The following DMAP1 variants were observed in gnomAD, a reference collection of about 807,000 sequenced individuals.
DMAP1 encodes the protein DNA methyltransferase 1 associated protein 1.
A neutral mutation model predicts 52.7 loss-of-function variants in DMAP1; 26 were observed. The observed-to-expected ratio is 0.49, with a 90% CI of 0.36 to 0.68. The LOEUF (loss-of-function observed/expected upper bound fraction) is 0.68. Among genes scored for constraint, DMAP1 ranks in the 30% least tolerant of loss-of-function variants. The pLI, the probability that DMAP1 is intolerant of heterozygous loss-of-function variation, is 0.00. For missense variants in DMAP1, 439 were observed against 625.2 expected (o/e 0.70, Z 3.18); for synonymous variants, 231 against 246.0 (o/e 0.94, Z 0.57).
rs1460871984 is a variant in DMAP1, at chr1:44,214,936, C to T, written c.393+38C>T. 7 of 1,611,862 alleles carry T rather than the reference C, an allele frequency of 4.3e-6. No individual in the cohort carries two copies. The Admixed American group carries it at 1.0e-4, about 23-fold the overall frequency. ...CATTCGGACACAGGCCAAGATTGCC[C>T]TCCCACTTTGAGCCATTTGTGCGAG... On this transcript the variant is annotated intron_variant, in intron 3 of 9. Transcript: ENST00000372289.
chr1:44,218,333 C>T lies in DMAP1; in HGVS notation c.416C>T (p.Ser139Leu), dbSNP rs747781202. The T allele has an allele frequency of 3.7e-6, 6 of 1,614,196 alleles. No homozygotes were observed. Among genetic ancestry groups the T allele is most frequent in the Admixed American group, 1.7e-5 (1 of 60,026 alleles). The part of the protein sequence containing the change: ...FNKTVQVPVY[S>L]EQEYQLYLHD... Reference sequence around the variant, plus strand: ...TAGACTGTGCAGGTGCCTGTGTACTCGGAGCAGGAGTACCAGCTTTATCTC... The same window carrying T: ...TAGACTGTGCAGGTGCCTGTGTACTTGGAGCAGGAGTACCAGCTTTATCTC... The change falls in exon 4 of 10, where the codon TCG becomes TTG. Residue 139 changes from serine (S) to leucine (L), a missense_variant. Physicochemically the swap from Ser to Leu is moderately radical, Grantham distance 145. Coordinates refer to ENST00000372289, the MANE Select transcript of DMAP1 (RefSeq NM_019100.5). The surrounding 1 kb of genome is among the most constrained non-coding windows in gnomAD (Gnocchi z 5.6).
chr1:44,215,631 G>A (rs1465886317), intron 3 of DMAP1: 1 of 269,262 alleles, frequency 3.7e-6, no homozygotes, highest in Non-Finnish European at 7.4e-6. Flanking sequence ...GTGTAGGGGA[G>A]TCCTACCTTA....
chr1:44,220,633 T>C lies in DMAP1; in HGVS notation c.*15T>C. ...AGAAGCCGTGAGAGGCCCCACGGGGTGTGGGCGACGCTGTTATGTAAATAG... is the reference window on the plus strand; with the variant it reads ...AGAAGCCGTGAGAGGCCCCACGGGGCGTGGGCGACGCTGTTATGTAAATAG... On this transcript the variant is annotated 3_prime_UTR_variant, in exon 10 of 10. Coordinates refer to ENST00000372289, the MANE Select transcript of DMAP1 (RefSeq NM_019100.5). The C allele has an allele frequency of 6.2e-7, 1 of 1,614,080 alleles. No individual in the cohort carries two copies. Among genetic ancestry groups the C allele is most frequent in the Non-Finnish European group, 8.5e-7 (1 of 1,179,982 alleles).
In DMAP1 at chr1:44,219,089, C is replaced by T. The variant is rs1243798144; in HGVS notation, c.754C>T (p.Arg252Cys). ...AEEEYLLQEL[R>C]KIEARKKERE... The stretch of plus-strand genomic sequence containing the variant: ...GGAGGAGTACCTGCTACAGGAGCTG[C>T]GCAAGATTGAGGCCCGGAAGAAGGA... Residue 252 changes from arginine to cysteine, a missense_variant, in exon 6 of 10, where the codon CGC becomes TGC. Transcript: ENST00000372289. 3 of 1,614,168 alleles carry T rather than the reference C, an allele frequency of 1.9e-6. No individual in the cohort carries two copies. The highest frequency in any genetic ancestry group is 2.5e-6 in the Non-Finnish European group (3 of 1,180,020).
rs369079971 is a variant in DMAP1 at position 44,218,571 on chromosome 1, C to T, written c.553-17C>T. 2.5e-5 allele frequency: 40 copies of T among 1,608,996 alleles called. No homozygotes were observed. The highest frequency in any genetic ancestry group is 3.2e-5 in the Non-Finnish European group (38 of 1,176,032). On this transcript the variant is annotated splice_polypyrimidine_tract_variant and intron_variant, in intron 4 of 9. Transcript: ENST00000372289. The surrounding 1 kb of genome is among the most constrained non-coding windows in gnomAD (Gnocchi z 5.6). ...TGCCCCTGAATGTTCATTCCTCTAC[C>T]CTGTCTTGCTCCTCAGAAGCGTTCT...
In DMAP1 at chr1:44,218,272, A is replaced by G; in HGVS notation, c.394-39A>G. On this transcript the variant is annotated intron_variant, in intron 3 of 9. Coordinates refer to ENST00000372289, the MANE Select transcript of DMAP1 (RefSeq NM_019100.5). This position sits in a 1 kb window ranked among gnomAD's most constrained non-coding sequence, Gnocchi z 5.6. Reference sequence around the variant, plus strand: ...CCTGGAGCCTGCTGGACATGACATCATGCGGGCATGCCCCTACTGTGTCCC... The same window carrying G: ...CCTGGAGCCTGCTGGACATGACATCGTGCGGGCATGCCCCTACTGTGTCCC... 5.0e-6 allele frequency: 8 copies of G among 1,614,120 alleles called. No homozygotes were observed. The highest frequency in any genetic ancestry group is 6.8e-6 in the Non-Finnish European group (8 of 1,179,942).
At chr1:44,217,531 A>C (rs1643819544) in intron 3 of DMAP1, 1 of 152,388 alleles carries the variant, frequency 6.6e-6, no homozygotes, top group South Asian at 2.1e-4. Flanking sequence ...GGTGATGGTG[A>C]TATTGACTGA....
At position 44,213,977 on chromosome 1, in the gene DMAP1, GACATA is replaced by G. The variant is rs575478302; in HGVS notation, c.105+123_105+127del. ...CAGTGAGTTGGGCGATAAAAGGGGT[GACATA>G]ACAGGACAGGGAATATGTGTCATCC... On this transcript the variant is annotated intron_variant, in intron 1 of 9. Transcript: ENST00000372289. The surrounding 1 kb of genome is among the most constrained non-coding windows in gnomAD (Gnocchi z 4.5). 4.2e-4 allele frequency: 369 copies of G among 877,362 alleles called. 1 individual carries two copies. In the African/African-American group the frequency reaches 5.3e-3, roughly 13 times the overall value. The allele number at this position is 877,362 out of a possible 1,614,324, so 54.3% of individuals were successfully genotyped here. A position where few individuals can be genotyped will look rare whatever the true frequency, so the allele number is the denominator to read the frequency against.
chr1:44,217,937 A>T (rs1643827666), intron 3 of DMAP1: 1 of 363,918 alleles, frequency 2.7e-6, no homozygotes, highest in Non-Finnish European at 5.3e-6. Context: ...AGTTGTATGG[A>T]CTAGGGGTTG....
At chr1:44,215,240 C>T (rs561707559) in intron 3 of DMAP1, 1 of 484,366 alleles carries the variant, frequency 2.1e-6, no homozygotes, top group African/African-American at 1.9e-5. Flanking sequence ...TACAAGTCAC[C>T]AATCCAGAGC....
chr1:44,219,742 T>C (rs1643870805), intron 7 of DMAP1, 64 bp from the exon 8 acceptor site: 2 of 1,584,566 alleles, frequency 1.3e-6, no homozygotes, highest in East Asian at 4.5e-5. Context: ...CCTCTGCCTT[T>C]TGTCCCCTTC....
chr1:44,215,096 G>A (rs745616477), intron 3 of DMAP1, 198 bp downstream of exon 3: 65 of 711,114 alleles, frequency 9.1e-5, no homozygotes, highest in Admixed American at 4.6e-4. Context: ...GTTCTTTCCC[G>A]GACCTGCTCT....
chr1:44,220,192 A>G lies in DMAP1; in HGVS notation c.1227A>G (p.Thr409=), dbSNP rs1220497123. Reference sequence around the variant, plus strand: ...CTGGTGTGCTAGGGGGCCCTGCCACACCAGCATCAGGCCCAGGCCCGGCCT... The same window carrying G: ...CTGGTGTGCTAGGGGGCCCTGCCACGCCAGCATCAGGCCCAGGCCCGGCCT... The part of the protein sequence containing the change: ...ARAGVLGGPA[T]PASGPGPASA... Residue 409 remains threonine (T), a synonymous_variant, in exon 9 of 10, where the codon ACA becomes ACG. Transcript: ENST00000372289. 1.9e-6 allele frequency: 3 copies of G among 1,603,476 alleles called. No individual in the cohort carries two copies. The highest frequency in any genetic ancestry group is 2.7e-5 in the African/African-American group (2 of 74,772).
At position 44,218,616 on chromosome 1, in the gene DMAP1, G is replaced by T; in HGVS notation, c.581G>T (p.Arg194Leu). 6.2e-7 allele frequency: 1 copy of T among 1,612,120 alleles called. No individual in the cohort carries two copies. The highest frequency in any genetic ancestry group is 8.5e-7 in the Non-Finnish European group (1 of 1,178,402). The change falls in exon 5 of 10, where the codon CGG becomes CTG. Residue 194 changes from arginine to leucine, a missense_variant. Transcript: ENST00000372289. The surrounding 1 kb of genome is among the most constrained non-coding windows in gnomAD (Gnocchi z 5.6). The part of the protein sequence containing the change: ...KKRSVEDLKE[R>L]YYHICAKLAN... ...CGTTCTGTGGAAGACCTGAAGGAGC[G>T]GTACTACCACATCTGTGCTAAGCTT...
At position 44,219,250 on chromosome 1, in the gene DMAP1, G is replaced by A. The variant is rs756020779; in HGVS notation, c.906+9G>A. On this transcript the variant is annotated intron_variant, in intron 6 of 9. Transcript: ENST00000372289. Reference sequence around the variant, plus strand: ...AGGAGGCTGAGAAGCCGGTGCGGAGGTTCCGCCAGCCTAGCTCAGGGTGGA... The same window carrying A: ...AGGAGGCTGAGAAGCCGGTGCGGAGATTCCGCCAGCCTAGCTCAGGGTGGA... The A allele has an allele frequency of 1.9e-6, 3 of 1,611,420 alleles. No individual in the cohort carries two copies. Among genetic ancestry groups the A allele is most frequent in the African/African-American group, 1.3e-5 (1 of 74,788 alleles).
In DMAP1 at chr1:44,218,982, G is replaced by T; in HGVS notation, c.721-74G>T. The stretch of plus-strand genomic sequence containing the variant: ...CTCAGATTCCCTCACAGACAGCCCA[G>T]CACCCTGTCACCTCCGTGTCTACCC... On this transcript the variant is annotated intron_variant, in intron 5 of 9. Coordinates refer to ENST00000372289, the MANE Select transcript of DMAP1 (RefSeq NM_019100.5). This position sits in a 1 kb window ranked among gnomAD's most constrained non-coding sequence, Gnocchi z 5.6. The T allele has an allele frequency of 1.3e-6, 2 of 1,566,090 alleles. No homozygotes were observed. Among genetic ancestry groups the T allele is most frequent in the Non-Finnish European group, 8.7e-7 (1 of 1,148,600 alleles).
intron 6 of DMAP1, 47 bp downstream of exon 6, chr1:44,219,288 C>G (rs775092690): frequency 6.3e-7 from 1 of 1,589,910 alleles, no homozygotes; most frequent in African/African-American, 1.4e-5. Context: ...GGTCACCTGG[C>G]ACAAGGCCTC....
chr1:44,215,735 A>AATCACATCTCTG (rs1643778691), intron 3 of DMAP1: 1 of 182,526 alleles, frequency 5.5e-6, no homozygotes, highest in Admixed American at 5.5e-5. Flanking sequence ...TTCCATAATA[A>AATCACATCTCTG]ATCACATCTC....
rs765367312 is a variant in DMAP1 at position 44,220,632 on chromosome 1, G to T, written c.*14G>T. On this transcript the variant is annotated 3_prime_UTR_variant, in exon 10 of 10. Transcript: ENST00000372289. ...AAGAAGCCGTGAGAGGCCCCACGGG[G>T]TGTGGGCGACGCTGTTATGTAAATA... is the stretch of plus-strand genomic sequence containing the variant. 1.9e-6 allele frequency: 3 copies of T among 1,614,186 alleles called. No individual in the cohort carries two copies. Among genetic ancestry groups the T allele is most frequent in the East Asian group, 2.2e-5 (1 of 44,882 alleles).
Sources: allele counts gnomAD v4.1 joint callset, GRCh38; gene constraint gnomAD v4.1.1; non-coding constraint Gnocchi (gnomAD v3.1); transcripts MANE v1.5; gene names NCBI Gene and HGNC (gene_info 2026-07-23, HGNC 2026-07-21).